The following PPARGC1A variants were observed in gnomAD, a reference collection of about 807,000 sequenced individuals.
PPARGC1A encodes PPARG coactivator 1 alpha.
In PPARGC1A, 25 loss-of-function variants were observed where a neutral mutation model predicts 88.7. That is an observed-to-expected ratio of 0.28 (90% CI 0.21 to 0.39). PPARGC1A has a LOEUF of 0.39. Ranked by LOEUF, PPARGC1A falls within the 10% of genes least tolerant of loss-of-function variation. The probability of loss-of-function intolerance (pLI) is 1.00; values close to 1 mark genes in which losing one functional copy is unlikely to be tolerated. For synonymous variants in PPARGC1A, 363 were observed against 355.6 expected (o/e 1.02, Z -0.24); for missense variants, 880 against 968.7 (o/e 0.91, Z 1.22).
upstream of PPARGC1A, among the ~76,000 whole-genome samples, chr4:23,894,081 A>G (rs920477300): frequency 1.3e-5 from 2 of 152,134 alleles, no homozygotes; most frequent in African/African-American, 2.4e-5. Context: ...AGTTTCATCC[A>G]TAAGAATAAT....
chr4:24,129,855 A>G, the PPARGC1A span, among the ~76,000 whole-genome samples: 3 of 152,172 alleles, frequency 2.0e-5, no homozygotes, highest in African/African-American at 4.8e-5. Context: ...GGGGACATGG[A>G]TGAAGCTGGA....
chr4:24,010,078 C>T, the PPARGC1A span, among the ~76,000 whole-genome samples: 1 of 152,162 alleles, frequency 6.6e-6, no homozygotes, highest in African/African-American at 2.4e-5. Flanking sequence ...TACATTGGTT[C>T]GGAAAGTGCC....
intron 11 of PPARGC1A, 68 bp from the exon 12 acceptor site, chr4:23,801,949 T>G (rs1718837331): frequency 3.7e-5 from 59 of 1,574,662 alleles, no homozygotes; most frequent in Non-Finnish European, 2.4e-5. Context: ...TAACCCTTTC[T>G]ACTTTGTGAG....
the PPARGC1A span, among the ~76,000 whole-genome samples, chr4:24,207,906 C>A: frequency 6.6e-6 from 1 of 152,148 alleles, no homozygotes; most frequent in Non-Finnish European, 1.5e-5. Context: ...AACAATTAGA[C>A]AATTCTGATT....
the PPARGC1A span, among the ~76,000 whole-genome samples, chr4:24,454,513 A>G: frequency 6.6e-6 from 1 of 152,090 alleles, no homozygotes; most frequent in Non-Finnish European, 1.5e-5. Flanking sequence ...AGATGGGAGG[A>G]TCACTTGAGC....
At chr4:24,462,035 AT>A in the PPARGC1A span, among the ~76,000 whole-genome samples, 8 of 151,842 alleles carry the variant, frequency 5.3e-5, no homozygotes, top group Non-Finnish European at 1.2e-4. Context: ...TGAAGGCAGC[AT>A]TTTTTTTCTT....
chr4:24,019,816 G>C, the PPARGC1A span, among the ~76,000 whole-genome samples: 5 of 152,094 alleles, frequency 3.3e-5, no homozygotes, highest in Non-Finnish European at 5.9e-5. Flanking sequence ...TTAAACCTTT[G>C]CTCTACATCA....
chr4:24,043,250 C>T, the PPARGC1A span, among the ~76,000 whole-genome samples: 1 of 152,298 alleles, frequency 6.6e-6, no homozygotes, highest in East Asian at 1.9e-4. Context: ...CCTATCCCGA[C>T]GCCATCCAAT....
chr4:24,127,839 G>GA, the PPARGC1A span, among the ~76,000 whole-genome samples: 36 of 151,722 alleles, frequency 2.4e-4, no homozygotes, highest in East Asian at 5.4e-3. Context: ...TACCATTATA[G>GA]AAAAAAAATA....
the PPARGC1A span, among the ~76,000 whole-genome samples, chr4:24,024,704 G>C: frequency 6.6e-6 from 1 of 152,348 alleles, no homozygotes; most frequent in South Asian, 2.1e-4. Context: ...AGGCCAGCCA[G>C]TGGTCAAGCT....
the PPARGC1A span, among the ~76,000 whole-genome samples, chr4:24,100,564 G>A: frequency 1.3e-5 from 2 of 152,078 alleles, no homozygotes; most frequent in Middle Eastern, 3.2e-3. Context: ...GCCTCTGGAC[G>A]TTCAGATGAC....
chr4:24,383,686 G>C, the PPARGC1A span, among the ~76,000 whole-genome samples: 1 of 152,056 alleles, frequency 6.6e-6, no homozygotes, highest in East Asian at 1.9e-4. Flanking sequence ...AAAAAACAAT[G>C]AAAAAGAATG....
chr4:24,293,698 A>G, the PPARGC1A span, among the ~76,000 whole-genome samples: 5 of 141,844 alleles, frequency 3.5e-5, no homozygotes, highest in South Asian at 6.9e-4. Flanking sequence ...TTCAAGGTCT[A>G]ACTCAGGGAT....
the PPARGC1A span, among the ~76,000 whole-genome samples, chr4:24,043,229 C>T: frequency 1.3e-5 from 2 of 152,178 alleles, no homozygotes; most frequent in Non-Finnish European, 2.9e-5. Flanking sequence ...GTCTCCAGCT[C>T]ACCTATGTCC....
At chr4:24,123,548 T>A in the PPARGC1A span, among the ~76,000 whole-genome samples, 2 of 152,194 alleles carry the variant, frequency 1.3e-5, no homozygotes, top group South Asian at 4.2e-4. Flanking sequence ...TATTCCACTA[T>A]CGTTCTTGTC....
At chr4:23,999,288 C>A in the PPARGC1A span, among the ~76,000 whole-genome samples, 2 of 152,180 alleles carry the variant, frequency 1.3e-5, no homozygotes, top group African/African-American at 4.8e-5. Context: ...GGAGTCTCTC[C>A]CCCAGAGTTG....
chr4:24,224,715 A>G, the PPARGC1A span, among the ~76,000 whole-genome samples: 1 of 152,224 alleles, frequency 6.6e-6, no homozygotes, highest in Admixed American at 6.5e-5. Flanking sequence ...GACTGATCAT[A>G]ATAAGCAAAT....
At chr4:24,239,782 T>C in the PPARGC1A span, among the ~76,000 whole-genome samples, 1 of 152,094 alleles carries the variant, frequency 6.6e-6, no homozygotes, top group Non-Finnish European at 1.5e-5. Flanking sequence ...GGTTAATGAG[T>C]GTGCACTCTC....
At chr4:23,953,603 C>A in the PPARGC1A span, among the ~76,000 whole-genome samples, 1 of 152,004 alleles carries the variant, frequency 6.6e-6, no homozygotes, top group Non-Finnish European at 1.5e-5. Context: ...TAGCCAGGGT[C>A]TCATTGCGCT....
Sources: gnomAD v4.1 joint callset for allele counts (sites outside exome capture counted in the v4.1 genomes callset) on GRCh38, gnomAD v4.1.1 for gene constraint, MANE v1.5 for transcripts, NCBI Gene and HGNC (gene_info 2026-07-23, HGNC 2026-07-21) for gene names.